The following DMD variants were observed in gnomAD, a reference collection of about 807,000 sequenced individuals.
DMD encodes dystrophin.
In DMD, 63 loss-of-function variants were observed where a neutral mutation model predicts 330.1. The observed-to-expected ratio is 0.19, with a 90% CI of 0.16 to 0.24. DMD has a LOEUF of 0.24. DMD is among the 10% of genes least tolerant of loss of function. The pLI, the probability that DMD is intolerant of heterozygous loss-of-function variation, is 1.00. For missense variants in DMD, 3,344 were observed against 2,684.1 expected, an observed-to-expected ratio of 1.25 and a Z score of -5.43; for synonymous variants, 1,223 against 959.8, an observed-to-expected ratio of 1.27 and a Z score of -5.07.
At position 32,516,171 on chromosome X, in the gene DMD, G is replaced by A. The variant is rs764094578; in HGVS notation, c.2292+1837C>T. 8.1e-5 allele frequency among the ~76,000 whole-genome samples: 9 copies of A among 111,448 alleles called. No individual in the cohort carries two copies. In the East Asian group the frequency reaches 1.4e-3, roughly 17 times the overall value. Reference sequence around the variant, plus strand: ...GAGTTTAAAATAACCTATATAAACCGACAGGTGATGTAGTAAGAAAATTAA... The same window carrying A: ...GAGTTTAAAATAACCTATATAAACCAACAGGTGATGTAGTAAGAAAATTAA... On this transcript the variant is annotated intron_variant, in intron 18 of 78. Coordinates refer to ENST00000357033, the MANE Select transcript of DMD (RefSeq NM_004006.3).
At chrX:31,956,567 A>G (rs1409733178) in intron 45 of DMD, among the ~76,000 whole-genome samples, 1 of 112,043 alleles carries the variant, frequency 8.9e-6, no homozygotes, top group Non-Finnish European at 1.9e-5. Context: ...GATAGGACCA[A>G]GTGCTAATAC....
chrX:31,224,284 C>T (rs77986513), intron 63 of DMD, among the ~76,000 whole-genome samples: 11,842 of 111,500 alleles, frequency 0.11, 530 homozygotes, highest in East Asian at 0.2. Flanking sequence ...ACATGACTGC[C>T]ATAATCAAAT....
intron 60 of DMD, among the ~76,000 whole-genome samples, chrX:31,392,381 A>C (rs1353941254): frequency 8.9e-6 from 1 of 112,727 alleles, no homozygotes; most frequent in African/African-American, 3.2e-5. Flanking sequence ...ATGTGAGAAA[A>C]ATAAACGATG....
chrX:32,331,801 A>C (rs139272171), intron 41 of DMD, among the ~76,000 whole-genome samples: 2,174 of 111,821 alleles, frequency 0.019, 50 homozygotes, highest in African/African-American at 0.066. Context: ...GACAATATTC[A>C]AGAGGTAATA....
intron 48 of DMD, among the ~76,000 whole-genome samples, chrX:31,863,557 C>T (rs1183304841): frequency 8.9e-6 from 1 of 111,923 alleles, no homozygotes; most frequent in African/African-American, 3.2e-5. Context: ...TGAAATCCTT[C>T]TTTACTCAAG....
At chrX:32,865,102 ACAT>A in intron 2 of DMD, among the ~76,000 whole-genome samples, 1 of 111,768 alleles carries the variant, frequency 8.9e-6, no homozygotes, top group Non-Finnish European at 1.9e-5. Flanking sequence ...CTGATAAATT[ACAT>A]AGCACTTGGC....
intron 53 of DMD, among the ~76,000 whole-genome samples, chrX:31,679,061 TA>T (rs2082236732): frequency 9.1e-6 from 1 of 109,529 alleles, no homozygotes; most frequent in African/African-American, 3.3e-5. Flanking sequence ...CAAAAATTTT[TA>T]AAAAATTAGC....
At chrX:32,309,848 C>T (rs953862776) in intron 42 of DMD, among the ~76,000 whole-genome samples, 2 of 110,870 alleles carry the variant, frequency 1.8e-5, no homozygotes, top group African/African-American at 6.5e-5. Context: ...CATTTTTGTG[C>T]ATTTCTTCAT....
intron 55 of DMD, among the ~76,000 whole-genome samples, chrX:31,525,945 G>T (rs2073211900): frequency 1.8e-5 from 2 of 112,225 alleles, no homozygotes; most frequent in East Asian, 5.6e-4. Context: ...ATTCTCAGTA[G>T]AACTGTTTGC....
intron 43 of DMD, among the ~76,000 whole-genome samples, chrX:32,254,832 T>A (rs1303110825): frequency 8.9e-6 from 1 of 112,176 alleles, no homozygotes; most frequent in Non-Finnish European, 1.9e-5. Context: ...GGCTTGTCTT[T>A]TTTAACTGTG....
chrX:32,696,738 G>A (rs1307414621), intron 9 of DMD, among the ~76,000 whole-genome samples: 1 of 110,964 alleles, frequency 9.0e-6, no homozygotes, highest in East Asian at 2.9e-4. Flanking sequence ...TTAATCTTAG[G>A]AGGTGGCACT....
intron 9 of DMD, among the ~76,000 whole-genome samples, chrX:32,697,574 A>G (rs1030085080): frequency 1.3e-4 from 14 of 111,841 alleles, no homozygotes; most frequent in African/African-American, 4.5e-4. Flanking sequence ...CATGAGCCTC[A>G]TGTTTTTTAT....
At chrX:33,237,380 A>G (rs1298429020) in intron 1 of DMD, among the ~76,000 whole-genome samples, 2 of 109,403 alleles carry the variant, frequency 1.8e-5, no homozygotes, top group Non-Finnish European at 1.9e-5. Flanking sequence ...AGTAGCTGAG[A>G]TTACAGGCGT....
intron 1 of DMD, among the ~76,000 whole-genome samples, chrX:33,282,874 A>G (rs2053357683): frequency 1.8e-5 from 2 of 112,179 alleles, no homozygotes; most frequent in South Asian, 7.4e-4. Context: ...ATAGGGGCAC[A>G]TATGAGAATG....
intron 2 of DMD, among the ~76,000 whole-genome samples, chrX:32,859,447 G>A (rs997442562): frequency 1.3e-4 from 13 of 98,973 alleles, no homozygotes; most frequent in Non-Finnish European, 2.7e-4. Flanking sequence ...CGGCCTTTGT[G>A]ACGAAGCAAG....
intron 1 of DMD, among the ~76,000 whole-genome samples, chrX:33,248,199 G>A (rs1476144830): frequency 1.8e-5 from 2 of 110,013 alleles, no homozygotes; most frequent in East Asian, 2.9e-4. Flanking sequence ...CCGCCACCAC[G>A]CCTGACTAAT....
intron 54 of DMD, 54 bp from the exon 55 acceptor site, chrX:31,627,916 T>A: frequency 1.0e-6 from 1 of 974,318 alleles, no homozygotes; most frequent in South Asian, 2.0e-5. Context: ...ATGGTGCACC[T>A]AGTGAACTCC....
At chrX:31,642,135 T>A (rs1322228481) in intron 54 of DMD, among the ~76,000 whole-genome samples, 2 of 111,986 alleles carry the variant, frequency 1.8e-5, no homozygotes, top group Non-Finnish European at 3.8e-5. Flanking sequence ...TTAATATTAT[T>A]GAGAAAAGAG....
chrX:32,714,279 T>A (rs1399551646), intron 7 of DMD, among the ~76,000 whole-genome samples: 1 of 111,456 alleles, frequency 9.0e-6, no homozygotes, highest in Non-Finnish European at 1.9e-5. Context: ...ACAAATAGTC[T>A]ACAATGTACC....
Sources: allele counts gnomAD v4.1 joint callset (sites outside exome capture counted in the v4.1 genomes callset), GRCh38; gene constraint gnomAD v4.1.1; transcripts MANE v1.5; gene names NCBI Gene and HGNC (gene_info 2026-07-23, HGNC 2026-07-21).